Variants in TACC2 observed in about 807,000 individuals in gnomAD.
TACC2 encodes the protein transforming acidic coiled-coil-containing protein 2.
In TACC2, 137 loss-of-function variants were observed where a neutral mutation model predicts 227.3. That is an observed-to-expected ratio of 0.60 (90% CI 0.52 to 0.69). The LOEUF is 0.69. TACC2 is among the 30% of genes least tolerant of loss of function. The pLI is 0.00. For synonymous variants in TACC2, 1,523 were observed against 1,487.5 expected, an observed-to-expected ratio of 1.02 and a Z score of -0.55; for missense variants, 3,470 against 3,694.4, an observed-to-expected ratio of 0.94 and a Z score of 1.57.
At chr10:122,163,716 T>C (rs2139852927) in intron 7 of TACC2, 2 of 1,053,274 alleles carry the variant, frequency 1.9e-6, no homozygotes, top group East Asian at 9.0e-5. Context: ...CGCGCACACA[T>C]ACGCGGCGCT....
At chr10:122,080,414 T>C (rs1293752496) in intron 3 of TACC2, among the ~76,000 whole-genome samples, 1 of 151,860 alleles carries the variant, frequency 6.6e-6, no homozygotes, top group Non-Finnish European at 1.5e-5. Context: ...CATATTTCTT[T>C]TTAGAGATGG....
At chr10:122,160,037 C>A (rs2092724224) in intron 7 of TACC2, among the ~76,000 whole-genome samples, 1 of 152,192 alleles carries the variant, frequency 6.6e-6, no homozygotes, top group South Asian at 2.1e-4. Context: ...TTCAGTTTAT[C>A]TTTTGGCTAC....
intron 2 of TACC2, chr10:122,033,011 A>C: frequency 2.4e-6 from 2 of 846,344 alleles, no homozygotes; most frequent in Non-Finnish European, 3.2e-6. Context: ...AAAACAAAAA[A>C]ACCCCACAAA....
chr10:122,063,454 G>C (rs1440937383), intron 3 of TACC2, among the ~76,000 whole-genome samples: 1 of 152,216 alleles, frequency 6.6e-6, no homozygotes, highest in Non-Finnish European at 1.5e-5. Context: ...CCTGACTTTT[G>C]ACGCTGGCTG....
chr10:122,013,701 G>A (rs1382479979), intron 1 of TACC2, among the ~76,000 whole-genome samples: 1 of 152,212 alleles, frequency 6.6e-6, no homozygotes, highest in Non-Finnish European at 1.5e-5. Context: ...CTGTGGCTGG[G>A]GAGCAATGCC....
intron 7 of TACC2, among the ~76,000 whole-genome samples, chr10:122,176,493 G>C (rs2093725361): frequency 6.6e-6 from 1 of 152,154 alleles, no homozygotes; most frequent in Admixed American, 6.5e-5. Context: ...TGTTCTGTGA[G>C]GGACTAGGGG....
At position 122,084,530 on chromosome 10, in the gene TACC2, C is replaced by G; in HGVS notation, c.2030C>G (p.Ala677Gly). 6.2e-7 allele frequency: 1 copy of G among 1,613,646 alleles called. No individual in the cohort carries two copies. ...DPVLPPVPDG[A>G]GEPTVPEGAI... ...GTCCTGCCCCCTGTGCCAGATGGAG[C>G]TGGTGAGCCCACTGTTCCCGAAGGA... Residue 677 changes from alanine (A) to glycine (G), a missense_variant, in exon 4 of 23, where the codon GCT (alanine) becomes GGT (glycine). Physicochemically the swap from Ala to Gly is moderately conservative, Grantham distance 60. Coordinates refer to ENST00000369005, the MANE Select transcript of TACC2 (RefSeq NM_206862.4).
Position 122,087,785 on chromosome 10 carries a change from C to T in TACC2, c.5285C>T (p.Ala1762Val), listed in dbSNP as rs1365079685. Residue 1762 changes from alanine to valine, a missense_variant, in exon 4 of 23, where the codon GCT becomes GTT. By Grantham distance (64) the Ala-to-Val change is moderately conservative (BLOSUM62 0). Around this residue, in one of 10 missense-constraint regions of TACC2, gnomAD observed 1,924 missense variants for 1,978.3 expected, o/e 0.97. Transcript: ENST00000369005. ...SDKAPGMEGTAALHGDSPARP... is the reference protein window; with the variant it reads ...SDKAPGMEGTVALHGDSPARP... ...AAGGCTCCGGGGATGGAGGGTACAG[C>T]TGCCCTTCATGGGGACAGCCCAGCC... is the stretch of plus-strand genomic sequence containing the variant. The T allele has an allele frequency of 6.3e-7, 1 of 1,598,100 alleles. No individual in the cohort carries two copies. Among genetic ancestry groups the T allele is most frequent in the Admixed American group, 1.7e-5 (1 of 59,332 alleles).
At chr10:122,226,604 AT>A (rs61312157) in intron 13 of TACC2, 123 bp downstream of exon 13, 62,732 of 287,702 alleles carry the variant, frequency 0.22, 15 homozygotes, top group South Asian at 0.28. Context: ...CATGCCACAT[AT>A]TTTTTTTTTT....
chr10:122,118,935 A>G (rs1206728712), intron 5 of TACC2, among the ~76,000 whole-genome samples: 2 of 152,220 alleles, frequency 1.3e-5, no homozygotes, highest in African/African-American at 4.8e-5. Context: ...CTGTGTATTG[A>G]GGACCTGTAG....
At chr10:122,047,236 C>A (rs2075110384) in intron 2 of TACC2, among the ~76,000 whole-genome samples, 1 of 127,072 alleles carries the variant, frequency 7.9e-6, no homozygotes, top group African/African-American at 3.1e-5. Flanking sequence ...TTGCAGCGAT[C>A]CGAGATGGTG....
chr10:122,095,136 C>A (rs1346337136), intron 5 of TACC2, among the ~76,000 whole-genome samples: 1 of 152,138 alleles, frequency 6.6e-6, no homozygotes, highest in Non-Finnish European at 1.5e-5. Flanking sequence ...TGGCAAGTTT[C>A]CCCCCAGATG....
intron 22 of TACC2, among the ~76,000 whole-genome samples, chr10:122,252,437 G>A (rs1224531960): frequency 6.6e-6 from 1 of 152,060 alleles, no homozygotes; most frequent in Non-Finnish European, 1.5e-5. Flanking sequence ...TAAGATGGAA[G>A]ATCACCGTTA....
chr10:122,143,499 T>C (rs1459603602), intron 6 of TACC2, 73 bp from the exon 7 acceptor site: 1 of 1,524,846 alleles, frequency 6.6e-7, no homozygotes, highest in Admixed American at 1.8e-5. Context: ...TTGGGTGGGG[T>C]GAATGGGGCC....
chr10:122,215,483 T>C (rs777155263), intron 10 of TACC2, 32 bp downstream of exon 10: 20 of 1,593,420 alleles, frequency 1.3e-5, no homozygotes, highest in Middle Eastern at 1.7e-4. Context: ...GATGGTTTTA[T>C]GCCCCCCCCG....
chr10:122,047,821 T>C (rs907662082), intron 2 of TACC2, among the ~76,000 whole-genome samples: 1 of 152,250 alleles, frequency 6.6e-6, no homozygotes, highest in African/African-American at 2.4e-5. Context: ...GAGCATTTAT[T>C]GCTGTTGTTC....
At chr10:122,165,178 GT>G (rs1470356572) in intron 7 of TACC2, among the ~76,000 whole-genome samples, 1 of 152,198 alleles carries the variant, frequency 6.6e-6, no homozygotes, top group Non-Finnish European at 1.5e-5. Flanking sequence ...CTTTTTAAAT[GT>G]TATGATCCTT....
At chr10:122,008,264 A>ATTATTATTATT in intron 1 of TACC2, among the ~76,000 whole-genome samples, 34 of 134,658 alleles carry the variant, frequency 2.5e-4, no homozygotes, top group African/African-American at 8.7e-4. Flanking sequence ...TATTATTATT[A>ATTATTATTATT]TTTTTTTTTT....
chr10:122,233,877 C>T (rs946677346), intron 16 of TACC2, among the ~76,000 whole-genome samples: 6 of 152,170 alleles, frequency 3.9e-5, no homozygotes, highest in African/African-American at 7.2e-5. Context: ...CCATGATCAC[C>T]GCTCCTGCTG....
Sources: allele counts gnomAD v4.1 joint callset (sites outside exome capture counted in the v4.1 genomes callset), GRCh38; gene constraint gnomAD v4.1.1; regional missense constraint gnomAD v4.1.1; transcripts MANE v1.5; gene names NCBI Gene and HGNC (gene_info 2026-07-23, HGNC 2026-07-21).